Variants in CARS2 observed in about 807,000 individuals in gnomAD.
The protein encoded by CARS2 is probable cysteine--tRNA ligase, mitochondrial.
Under a neutral mutation model 68.8 loss-of-function variants are expected in CARS2, and 52 were observed. That is an observed-to-expected ratio of 0.76 (90% CI 0.61 to 0.95). The LOEUF (loss-of-function observed/expected upper bound fraction) is 0.95. Ranked by LOEUF, CARS2 falls within the 40% of genes least tolerant of loss-of-function variation. The pLI, the probability that CARS2 is intolerant of heterozygous loss-of-function variation, is 0.00. For missense variants in CARS2, 780 were observed against 754.2 expected (o/e 1.03, Z -0.40); for synonymous variants, 314 against 303.6 (o/e 1.03, Z -0.36).
At chr13:110,701,584 T>A (rs942869899) in intron 2 of CARS2, 29 bp from the exon 3 acceptor site, 5 of 957,584 alleles carry the variant, frequency 5.2e-6, no homozygotes, top group Admixed American at 3.4e-5. Flanking sequence ...CAGGATGTCT[T>A]TATTACACAA....
At chr13:110,642,911 C>T (rs1203925154) in intron 13 of CARS2, 4 of 420,290 alleles carry the variant, frequency 9.5e-6, no homozygotes, top group African/African-American at 2.0e-5. Flanking sequence ...CGCTTGCACA[C>T]GTGTGTTTCG....
At chr13:110,649,972 C>T (rs911923945) in intron 10 of CARS2, among the ~76,000 whole-genome samples, 2 of 114,824 alleles carry the variant, frequency 1.7e-5, no homozygotes, top group Non-Finnish European at 3.4e-5. Flanking sequence ...GGGTCTTGCT[C>T]TGTTACCCAG....
Position 110,670,081 on chromosome 13 carries a change from C to T in CARS2, c.786-2608G>A, listed in dbSNP as rs2062760189. ...CCAGGAAGCTCGAACTGGGTGGAGC[C>T]CACTACAGCTCAAGGAGGCCTGCCC... On this transcript the variant is annotated intron_variant, in intron 7 of 14. Coordinates refer to ENST00000257347, the MANE Select transcript of CARS2 (RefSeq NM_024537.4). The surrounding 1 kb of genome is among the most constrained non-coding windows in gnomAD (Gnocchi z 4.1). Among the ~76,000 whole-genome samples the T allele has an allele frequency of 1.3e-5, 2 of 152,148 alleles. No individual in the cohort carries two copies. The highest frequency in any genetic ancestry group is 4.1e-4 in the South Asian group (2 of 4,822).
intron 8 of CARS2, chr13:110,664,846 T>C: frequency 5.2e-6 from 2 of 385,328 alleles, no homozygotes; most frequent in Non-Finnish European, 7.1e-6. Flanking sequence ...GACGGCCGTC[T>C]ACAAATGGGA....
rs933789339 is a variant in CARS2, at chr13:110,641,940, G to A, written c.1624-332C>T. ...GCATGGGCAGGGCGCAGTGGCTCAC[G>A]CCTGTAATCCTGGCACTTTGGGAGG... On this transcript the variant is annotated intron_variant, in intron 14 of 14. Coordinates refer to ENST00000257347, the MANE Select transcript of CARS2 (RefSeq NM_024537.4). Among the ~76,000 whole-genome samples, 8 of 152,324 alleles carry A rather than the reference G, an allele frequency of 5.3e-5. No homozygotes were observed. In the East Asian group the frequency reaches 1.4e-3, roughly 26 times the overall value.
intron 3 of CARS2, among the ~76,000 whole-genome samples, chr13:110,693,837 T>C (rs1198464336): frequency 6.6e-6 from 1 of 152,092 alleles, no homozygotes; most frequent in African/African-American, 2.4e-5. Flanking sequence ...CTAACGATCG[T>C]AAATCATTTT....
chr13:110,650,304 G>C (rs1399673254), intron 10 of CARS2: 2 of 152,194 alleles, frequency 1.3e-5, no homozygotes, highest in African/African-American at 4.8e-5. Flanking sequence ...TACCACGTTG[G>C]CCAAACTGGT....
chr13:110,703,355 G>T (rs2063846899), intron 2 of CARS2, among the ~76,000 whole-genome samples: 1 of 152,194 alleles, frequency 6.6e-6, no homozygotes, highest in African/African-American at 2.4e-5. Flanking sequence ...GATGGGGAGA[G>T]GGAGGTGGGG....
Position 110,668,194 on chromosome 13 carries a change from C to T in CARS2, c.786-721G>A, listed in dbSNP as rs1056030077. Among the ~76,000 whole-genome samples, 26 of 152,304 alleles carry T rather than the reference C, an allele frequency of 1.7e-4. No homozygotes were observed. Among genetic ancestry groups the T allele is most frequent in the Middle Eastern group, 3.4e-3 (1 of 294 alleles). Reference sequence around the variant, plus strand: ...GGGGAAGCACTGCACACGGAGGTCTCGAGCCTGGGGAAACAGGCATCACAG... The same window carrying T: ...GGGGAAGCACTGCACACGGAGGTCTTGAGCCTGGGGAAACAGGCATCACAG... On this transcript the variant is annotated intron_variant, in intron 7 of 14. Coordinates refer to ENST00000257347, the MANE Select transcript of CARS2 (RefSeq NM_024537.4). The surrounding 1 kb of genome is among the most constrained non-coding windows in gnomAD (Gnocchi z 4.1).
chr13:110,670,728 A>G lies in CARS2; in HGVS notation c.786-3255T>C, dbSNP rs1339201194. Among the ~76,000 whole-genome samples, 1 of 152,242 alleles carries G rather than the reference A, an allele frequency of 6.6e-6. No homozygotes were observed. Among genetic ancestry groups the G allele is most frequent in the Admixed American group, 6.5e-5 (1 of 15,282 alleles). The stretch of plus-strand genomic sequence containing the variant: ...GAGAATGACTTTGATGAGTTGAGAG[A>G]AGAAGGCTTCAGACGATCGGTAATA... On this transcript the variant is annotated intron_variant, in intron 7 of 14. Coordinates refer to ENST00000257347, the MANE Select transcript of CARS2 (RefSeq NM_024537.4). This position sits in a 1 kb window ranked among gnomAD's most constrained non-coding sequence, Gnocchi z 4.1.
chr13:110,642,437 C>T lies in CARS2; in HGVS notation c.1501G>A (p.Ala501Thr). Residue 501 changes from alanine (A) to threonine (T), a missense_variant, in exon 14 of 15, where the codon GCG (alanine) becomes ACG (threonine). Physicochemically the swap from Ala to Thr is moderately conservative, Grantham distance 58 (BLOSUM62 0). Coordinates refer to ENST00000257347, the MANE Select transcript of CARS2 (RefSeq NM_024537.4). ...CCCGTGGCCTCGGGCATGGCCAGCGCAAACTGCCGGACCTTCTGCCGGAAC... is the reference window on the plus strand; with the variant it reads ...CCCGTGGCCTCGGGCATGGCCAGCGTAAACTGCCGGACCTTCTGCCGGAAC... ...VRFRQKVRQF[A>T]LAMPEATGDA... 1.2e-6 allele frequency: 2 copies of T among 1,606,682 alleles called. No homozygotes were observed. The highest frequency in any genetic ancestry group is 2.2e-5 in the East Asian group (1 of 44,510).
chr13:110,676,239 T>C lies in CARS2; in HGVS notation c.785+735A>G, dbSNP rs1338467064. ...CACGGGGCACGGGCGGTATGCTGTC[T>C]TTCACACACCCCACCCAAGGTGCCC... On this transcript the variant is annotated intron_variant, in intron 7 of 14. Coordinates refer to ENST00000257347, the MANE Select transcript of CARS2 (RefSeq NM_024537.4). The surrounding 1 kb of genome is among the most constrained non-coding windows in gnomAD (Gnocchi z 4.0). Among the ~76,000 whole-genome samples, 1 of 152,200 alleles carries C rather than the reference T, an allele frequency of 6.6e-6. No individual in the cohort carries two copies. Among genetic ancestry groups the C allele is most frequent in the Non-Finnish European group, 1.5e-5 (1 of 68,034 alleles).
intron 10 of CARS2, chr13:110,648,489 G>T (rs1245891299): frequency 2.0e-5 from 3 of 152,260 alleles, no homozygotes; most frequent in African/African-American, 7.2e-5. Context: ...GACTGCAAGG[G>T]ATGCCACCAC....
intron 13 of CARS2, 171 bp from the exon 14 acceptor site, chr13:110,642,692 G>A (rs753109147): frequency 5.8e-5 from 45 of 774,770 alleles, no homozygotes; most frequent in Admixed American, 3.8e-4. Flanking sequence ...GCCCGCGAGC[G>A]CTGGGCTCTG....
At chr13:110,692,520 C>T (rs1428313470) in intron 3 of CARS2, among the ~76,000 whole-genome samples, 2 of 149,796 alleles carry the variant, frequency 1.3e-5, no homozygotes, top group Non-Finnish European at 3.0e-5. Flanking sequence ...TAGGGCTAGT[C>T]CCTCTCAATA....
Position 110,712,501 on chromosome 13 carries a change from G to A in CARS2, n.399+636C>T. ...GAAGTGCACAAAGGCACGAGGCCAC[G>A]CCCAGGAGGGGCGGGCCCTTTGGCC... On this transcript the variant is annotated intron_variant and non_coding_transcript_variant, in intron 1 of 2. Coordinates refer to the CARS2 transcript ENST00000485188. 7 of 285,784 alleles carry A rather than the reference G, an allele frequency of 2.4e-5. 1 individual carries two copies. The highest frequency in any genetic ancestry group is 2.0e-4 in the South Asian group (7 of 34,472). The allele number at this position is 285,784 out of a possible 1,614,324, so 17.7% of individuals were successfully genotyped here.
At chr13:110,706,742 AC>A (rs574924387), upstream of CARS2, among the ~76,000 whole-genome samples, 10 of 149,348 alleles carry the variant, frequency 6.7e-5, no homozygotes, top group Admixed American at 1.3e-4. Flanking sequence ...AGAAGTGTGC[AC>A]CCCAATACAC....
intron 1 of CARS2, among the ~76,000 whole-genome samples, chr13:110,711,692 C>CTTAAAAT (rs1460176773): frequency 2.6e-5 from 4 of 152,226 alleles, no homozygotes; most frequent in African/African-American, 9.6e-5. Flanking sequence ...GATGAAGGGG[C>CTTAAAAT]TTAAAAGTGA....
intron 3 of CARS2, among the ~76,000 whole-genome samples, chr13:110,689,659 C>A (rs561440121): frequency 6.6e-6 from 1 of 152,156 alleles, no homozygotes; most frequent in Admixed American, 6.5e-5. Flanking sequence ...TGTGTATATA[C>A]GGGCAGGACA....
Sources: gnomAD v4.1 joint callset for allele counts (sites outside exome capture counted in the v4.1 genomes callset) on GRCh38, gnomAD v4.1.1 for gene constraint, Gnocchi (gnomAD v3.1) non-coding constraint, MANE v1.5 for transcripts, NCBI Gene and HGNC (gene_info 2026-07-23, HGNC 2026-07-21) for gene names.